GRID2: variants seen among roughly 807,000 people sequenced by gnomAD.
GRID2 encodes the protein glutamate receptor ionotropic, delta-2.
Under a neutral mutation model 114.8 loss-of-function variants are expected in GRID2, and 33 were observed. That is an observed-to-expected ratio of 0.29 (90% CI 0.22 to 0.38). The LOEUF (loss-of-function observed/expected upper bound fraction) is 0.38, where lower values mean the gene tolerates loss of function less well. Ranked by LOEUF, GRID2 falls within the 10% of genes least tolerant of loss-of-function variation. The pLI, the probability that GRID2 is intolerant of heterozygous loss-of-function variation, is 1.00. For missense variants in GRID2, 1,184 were observed against 1,257.7 expected, an observed-to-expected ratio of 0.94 and a Z score of 0.89; for synonymous variants, 505 against 449.9, an observed-to-expected ratio of 1.12 and a Z score of -1.55.
rs1287087326 is a variant in GRID2 at position 92,570,285 on chromosome 4, T to G, written c.89-19846T>G. On this transcript the variant is annotated intron_variant, in intron 1 of 15. Coordinates refer to ENST00000282020, the MANE Select transcript of GRID2 (RefSeq NM_001510.4). The stretch of plus-strand genomic sequence containing the variant: ...GCTTATAGTTGTTTAGTCTTATTTT[T>G]GGGCTCTCTATGCTATTTCATTGGT... Among the ~76,000 whole-genome samples, 3 of 152,060 alleles carry G rather than the reference T, an allele frequency of 2.0e-5. No homozygotes were observed. The South Asian group carries it at 6.2e-4, about 31-fold the overall frequency.
chr4:93,219,256 C>A (rs1744604615), intron 6 of GRID2, among the ~76,000 whole-genome samples: 1 of 152,178 alleles, frequency 6.6e-6, no homozygotes, highest in African/African-American at 2.4e-5. Flanking sequence ...AAATTATTGA[C>A]TGTGTCATTT....
chr4:92,316,850 A>T (rs2110118716), intron 1 of GRID2, among the ~76,000 whole-genome samples: 1 of 152,298 alleles, frequency 6.6e-6, no homozygotes, highest in South Asian at 2.1e-4. Flanking sequence ...TAGAAATCTC[A>T]TTTCTCAGCT....
intron 14 of GRID2, among the ~76,000 whole-genome samples, chr4:93,687,501 T>C (rs1726176621): frequency 6.6e-6 from 1 of 151,846 alleles, no homozygotes; most frequent in African/African-American, 2.4e-5. Context: ...CAAAAGGCAG[T>C]ACAAACAAAG....
At position 93,155,285 on chromosome 4, in the gene GRID2, A is replaced by G. The variant is rs570359302; in HGVS notation, c.735+44332A>G. Among the ~76,000 whole-genome samples the G allele has an allele frequency of 4.5e-4, 69 of 152,104 alleles. No homozygotes were observed. In the South Asian group the frequency reaches 4.6e-3, roughly 10 times the overall value. ...TCCCACTACCACATGAGGATGTTCT[A>G]GCCATTCTGAAAAATCTTCATGCCT... On this transcript the variant is annotated intron_variant, in intron 4 of 15. Coordinates refer to ENST00000282020, the MANE Select transcript of GRID2 (RefSeq NM_001510.4).
chr4:93,163,230 A>T (rs1220097112), intron 4 of GRID2, among the ~76,000 whole-genome samples: 1 of 151,110 alleles, frequency 6.6e-6, no homozygotes, highest in East Asian at 1.9e-4. Context: ...CCACAATGTG[A>T]TTTAATTTTT....
chr4:93,291,429 T>G (rs959087944), intron 8 of GRID2, among the ~76,000 whole-genome samples: 1 of 152,212 alleles, frequency 6.6e-6, no homozygotes, highest in Non-Finnish European at 1.5e-5. Flanking sequence ...ACTTTCTACT[T>G]GGTTTTGTTA....
At position 92,900,031 on chromosome 4, in the gene GRID2, C is replaced by T. The variant is rs561493521; in HGVS notation, c.245-184964C>T. ...GTAAATTTGAAAATGTGCCTGATGA[C>T]TTTCAGGACCAGCTGAAGGGTAAAT... On this transcript the variant is annotated intron_variant, in intron 2 of 15. Transcript: ENST00000282020. Among the ~76,000 whole-genome samples the T allele has an allele frequency of 1.2e-3, 190 of 152,124 alleles. 1 individual carries two copies. Among genetic ancestry groups the T allele is most frequent in the African/African-American group, 4.2e-3 (176 of 41,512 alleles).
intron 2 of GRID2, among the ~76,000 whole-genome samples, chr4:92,938,020 T>A (rs910629217): frequency 6.8e-5 from 10 of 147,018 alleles, no homozygotes; most frequent in African/African-American, 2.4e-4. Context: ...AAGCTTCTTT[T>A]AATTTTCAGA....
At chr4:93,059,972 A>C (rs2149291424) in intron 2 of GRID2, among the ~76,000 whole-genome samples, 1 of 152,154 alleles carries the variant, frequency 6.6e-6, no homozygotes, top group East Asian at 1.9e-4. Flanking sequence ...ACCTGAGTTC[A>C]TTGTGCCCAC....
intron 8 of GRID2, among the ~76,000 whole-genome samples, chr4:93,311,085 C>T (rs941051160): frequency 6.6e-6 from 1 of 152,092 alleles, no homozygotes; most frequent in Non-Finnish European, 1.5e-5. Context: ...TGGTTCTGTT[C>T]AAGATTGCCA....
intron 1 of GRID2, among the ~76,000 whole-genome samples, chr4:92,423,232 T>C (rs1731992729): frequency 6.6e-6 from 1 of 152,172 alleles, no homozygotes; most frequent in Non-Finnish European, 1.5e-5. Flanking sequence ...GACTAGCTAA[T>C]AGACCATTGT....
chr4:93,230,948 A>G (rs1039036886), intron 7 of GRID2, among the ~76,000 whole-genome samples: 1 of 152,090 alleles, frequency 6.6e-6, no homozygotes, highest in African/African-American at 2.4e-5. Context: ...GTATAATTTA[A>G]TTTGTTAGTG....
chr4:93,122,784 G>A (rs535108700), intron 4 of GRID2, among the ~76,000 whole-genome samples: 9 of 150,394 alleles, frequency 6.0e-5, no homozygotes, highest in Non-Finnish European at 1.0e-4. Context: ...TCCTTGTATC[G>A]TATTTATCAA....
intron 2 of GRID2, among the ~76,000 whole-genome samples, chr4:92,625,293 A>T (rs1730465083): frequency 6.6e-6 from 1 of 151,798 alleles, no homozygotes; most frequent in Non-Finnish European, 1.5e-5. Flanking sequence ...GTCTAATAGG[A>T]TTGTGCTATC....
At chr4:92,801,555 T>G (rs990192227) in intron 2 of GRID2, among the ~76,000 whole-genome samples, 32 of 152,040 alleles carry the variant, frequency 2.1e-4, no homozygotes, top group Admixed American at 1.1e-3. Context: ...TTTGTTTTAT[T>G]TAATAATACA....
chr4:92,993,836 A>G (rs1412691716), intron 2 of GRID2, among the ~76,000 whole-genome samples: 2 of 152,228 alleles, frequency 1.3e-5, no homozygotes, highest in African/African-American at 2.4e-5. Flanking sequence ...AAGACTTGTG[A>G]TCTTAAGAGT....
chr4:93,116,084 C>T (rs1438773717), intron 4 of GRID2, among the ~76,000 whole-genome samples: 1 of 152,144 alleles, frequency 6.6e-6, no homozygotes, highest in African/African-American at 2.4e-5. Context: ...TTCACCTACA[C>T]CTGCACATCC....
At chr4:92,962,650 G>T (rs550032806) in intron 2 of GRID2, among the ~76,000 whole-genome samples, 1 of 151,920 alleles carries the variant, frequency 6.6e-6, no homozygotes, top group African/African-American at 2.4e-5. Flanking sequence ...CCCTTCCCCT[G>T]CTGGAAGCAT....
intron 8 of GRID2, among the ~76,000 whole-genome samples, chr4:93,262,191 A>T (rs1750329180): frequency 6.6e-6 from 1 of 151,930 alleles, no homozygotes; most frequent in South Asian, 2.1e-4. Context: ...GCTTTCAGAA[A>T]CCCAGTCAAA....
Sources: allele counts gnomAD v4.1 joint callset (sites outside exome capture counted in the v4.1 genomes callset), GRCh38; gene constraint gnomAD v4.1.1; transcripts MANE v1.5; gene names NCBI Gene and HGNC (gene_info 2026-07-23, HGNC 2026-07-21).